ANKDD1B: variants seen among roughly 807,000 people sequenced by gnomAD.
ANKDD1B encodes ankyrin repeat and death domain-containing protein 1B.
In ANKDD1B, 57 loss-of-function variants were observed where a neutral mutation model predicts 59.7. The observed-to-expected ratio is 0.95, with a 90% CI of 0.77 to 1.19. ANKDD1B has a LOEUF of 1.19. Ranked by LOEUF, ANKDD1B falls within the 50% of genes most tolerant of loss-of-function variation. The probability of loss-of-function intolerance (pLI) is 0.00; values close to 1 mark genes in which losing one functional copy is unlikely to be tolerated. For missense variants in ANKDD1B, 602 were observed against 641.9 expected (o/e 0.94, Z 0.67); for synonymous variants, 216 against 239.5 (o/e 0.90, Z 0.91).
chr5:75,628,998 T>C (rs1351070986), intron 5 of ANKDD1B, among the ~76,000 whole-genome samples: 1 of 152,150 alleles, frequency 6.6e-6, no homozygotes, highest in Non-Finnish European at 1.5e-5. Flanking sequence ...GGTGGTACAA[T>C]GTTGGGTTGG....
intron 7 of ANKDD1B, among the ~76,000 whole-genome samples, chr5:75,637,849 G>C (rs1774358695): frequency 6.6e-6 from 1 of 151,942 alleles, no homozygotes; most frequent in African/African-American, 2.4e-5. Context: ...TTGTCACCCA[G>C]GCTGGAGTAC....
intron 5 of ANKDD1B, 94 bp from the exon 6 acceptor site, chr5:75,634,804 C>A: frequency 3.9e-6 from 3 of 774,600 alleles, no homozygotes; most frequent in South Asian, 3.3e-5. Context: ...ATCTTGGACT[C>A]CCCATCATCC....
chr5:75,635,473 T>A, intron 6 of ANKDD1B: 1 of 250,934 alleles, frequency 4.0e-6, no homozygotes, highest in Admixed American at 5.3e-5. Context: ...CAGAAATCTT[T>A]CACCATTTTA....
At chr5:75,657,036 C>A (rs34351) in intron 9 of ANKDD1B, among the ~76,000 whole-genome samples, 90,045 of 152,112 alleles carry the variant, frequency 0.59, 27,295 homozygotes, top group Middle Eastern at 0.71. Flanking sequence ...CCTCCCCTGC[C>A]TTTACCTATC....
At chr5:75,637,781 A>G (rs73122770) in intron 7 of ANKDD1B, among the ~76,000 whole-genome samples, 20,213 of 152,096 alleles carry the variant, frequency 0.13, 3,594 homozygotes, top group African/African-American at 0.41. Context: ...CAGTCTTGAC[A>G]ATTTCTTTCT....
At chr5:75,637,257 AAAAAAAAAAAAAAAAAGAAAG>A (rs1774341129) in intron 7 of ANKDD1B, among the ~76,000 whole-genome samples, 1 of 143,304 alleles carries the variant, frequency 7.0e-6, no homozygotes, top group African/African-American at 2.7e-5. Context: ...AAAAAAAAAA[AAAAAAAAAAAAAAAAAGAAAG>A]AAAAAAGAAA....
intron 4 of ANKDD1B, 35 bp from the exon 5 acceptor site, chr5:75,625,816 C>A: frequency 6.5e-7 from 1 of 1,527,940 alleles, no homozygotes; most frequent in Non-Finnish European, 8.8e-7. Context: ...GTTCTGAGGT[C>A]ACTGTCTATC....
chr5:75,635,985 T>C, intron 7 of ANKDD1B, 103 bp downstream of exon 7: 2 of 649,702 alleles, frequency 3.1e-6, no homozygotes, highest in South Asian at 4.5e-5. Context: ...GTTAGTGCCA[T>C]GGAGTGTAAA....
intron 5 of ANKDD1B, among the ~76,000 whole-genome samples, chr5:75,634,101 A>G (rs1271460667): frequency 6.6e-6 from 1 of 152,132 alleles, no homozygotes; most frequent in East Asian, 1.9e-4. Flanking sequence ...TTTATAAATT[A>G]CCCAGCCTGA....
intron 2 of ANKDD1B, 57 bp downstream of exon 2, chr5:75,616,964 A>C: frequency 1.4e-6 from 1 of 732,438 alleles, no homozygotes; most frequent in Non-Finnish European, 2.2e-6. Context: ...TTGGATTTAC[A>C]CAGGACATCT....
intron 2 of ANKDD1B, among the ~76,000 whole-genome samples, chr5:75,619,442 G>A (rs1773791237): frequency 6.6e-6 from 1 of 152,084 alleles, no homozygotes; most frequent in South Asian, 2.1e-4. Flanking sequence ...ACTATGACAT[G>A]CATATTCCCG....
intron 5 of ANKDD1B, among the ~76,000 whole-genome samples, chr5:75,629,856 G>A (rs1179997250): frequency 6.6e-6 from 1 of 152,092 alleles, no homozygotes; most frequent in African/African-American, 2.4e-5. Context: ...GAGGATCACT[G>A]GATCCCAGGA....
intron 5 of ANKDD1B, among the ~76,000 whole-genome samples, chr5:75,633,260 A>T (rs759356899): frequency 4.6e-5 from 7 of 152,256 alleles, no homozygotes; most frequent in Middle Eastern, 3.4e-3. Flanking sequence ...GGGGATGTAG[A>T]TCTCATTGGT....
intron 7 of ANKDD1B, among the ~76,000 whole-genome samples, chr5:75,644,034 G>A (rs1252188474): frequency 9.7e-6 from 1 of 103,114 alleles, no homozygotes; most frequent in African/African-American, 7.3e-5. Flanking sequence ...ATACTGTATA[G>A]ACAAGCAAAT....
At chr5:75,628,028 A>G (rs1336706681) in intron 5 of ANKDD1B, among the ~76,000 whole-genome samples, 2 of 152,370 alleles carry the variant, frequency 1.3e-5, no homozygotes, top group East Asian at 3.9e-4. Context: ...ACAAGGAATG[A>G]GCAAATAATG....
At chr5:75,616,126 T>G (rs762138552) in intron 1 of ANKDD1B, among the ~76,000 whole-genome samples, 1 of 152,174 alleles carries the variant, frequency 6.6e-6, no homozygotes, top group Admixed American at 6.5e-5. Context: ...TCTTACCCCT[T>G]ATGTTGGGCT....
intron 5 of ANKDD1B, among the ~76,000 whole-genome samples, chr5:75,632,716 C>T (rs114796667): frequency 0.026 from 3,908 of 152,290 alleles, 58 homozygotes; most frequent in Non-Finnish European, 0.033. Context: ...TCTCACCACC[C>T]GCCTTTCCAG....
intron 1 of ANKDD1B, among the ~76,000 whole-genome samples, chr5:75,612,828 T>A (rs1445808711): frequency 6.6e-6 from 1 of 152,226 alleles, no homozygotes; most frequent in Non-Finnish European, 1.5e-5. Flanking sequence ...GCAAGTGGTA[T>A]AACTTTTGAA....
rs1185379347 is a variant in ANKDD1B at position 75,670,977 on chromosome 5, A to C, written c.1526-2A>C. The C allele has an allele frequency of 8.2e-7, 1 of 1,219,904 alleles. No homozygotes were observed. The highest frequency in any genetic ancestry group is 1.0e-6 in the Non-Finnish European group (1 of 977,036). The allele number at this position is 1,219,904 out of a possible 1,614,324, so 75.6% of individuals were successfully genotyped here. On this transcript the variant is annotated splice_acceptor_variant, in intron 13 of 13. Coordinates refer to ENST00000601380, the MANE Select transcript of ANKDD1B (RefSeq NM_001276713.2). LOFTEE classifies it high-confidence loss of function. ...TCATAAATGTTATCTTATTTTTTCCAGAAAAGACTCGTCATTTCAAAAGCA... is the reference window on the plus strand; with the variant it reads ...TCATAAATGTTATCTTATTTTTTCCCGAAAAGACTCGTCATTTCAAAAGCA...
Sources: gnomAD v4.1 joint callset for allele counts (sites outside exome capture counted in the v4.1 genomes callset) on GRCh38, gnomAD v4.1.1 for gene constraint, MANE v1.5 for transcripts, NCBI Gene and HGNC (gene_info 2026-07-23, HGNC 2026-07-21) for gene names.